VXN: variants seen among roughly 807,000 people sequenced by gnomAD.
VXN encodes the protein vexin.
In VXN, 7 loss-of-function variants were observed where a neutral mutation model predicts 23.1. That is an observed-to-expected ratio of 0.30 (90% confidence interval 0.17 to 0.57). VXN has a LOEUF of 0.57. Ranked by LOEUF, VXN falls within the 20% of genes least tolerant of loss-of-function variation. VXN has a pLI of 0.91. For synonymous variants in VXN, 120 were observed against 105.8 expected, an observed-to-expected ratio of 1.13 and a Z score of -0.83; for missense variants, 238 against 272.6, an observed-to-expected ratio of 0.87 and a Z score of 0.89.
At chr8:66,511,309 T>C (rs190690324) in intron 4 of VXN, among the ~76,000 whole-genome samples, 59 of 152,308 alleles carry the variant, frequency 3.9e-4, no homozygotes, top group Non-Finnish European at 5.0e-4. Flanking sequence ...TCAAGATCCA[T>C]AGGTGGTGCA....
At chr8:66,515,842 T>G (rs764112370) in intron 5 of VXN, 51 bp from the exon 6 acceptor site, 24 of 1,463,488 alleles carry the variant, frequency 1.6e-5, no homozygotes, top group Non-Finnish European at 2.2e-5. Flanking sequence ...AAAAATGAAG[T>G]TTGGCTTGTG....
chr8:66,514,659 A>C (rs574430111), intron 5 of VXN, among the ~76,000 whole-genome samples: 1 of 152,218 alleles, frequency 6.6e-6, no homozygotes, highest in Admixed American at 6.5e-5. Context: ...CAAACTCCTG[A>C]CCTCAAGTGA....
At chr8:66,499,244 G>C (rs1000348101) in intron 2 of VXN, among the ~76,000 whole-genome samples, 2 of 25,774 alleles carry the variant, frequency 7.8e-5, no homozygotes, top group Admixed American at 4.1e-4. Context: ...TTTTTTTTTT[G>C]GCGGAGGGGA....
intron 2 of VXN, among the ~76,000 whole-genome samples, chr8:66,500,735 C>T (rs1807681730): frequency 1.3e-5 from 2 of 152,192 alleles, no homozygotes; most frequent in Non-Finnish European, 1.5e-5. Flanking sequence ...TTTGTGTCTG[C>T]CTGTACCCAA....
intron 4 of VXN, among the ~76,000 whole-genome samples, chr8:66,511,095 T>C (rs1807818916): frequency 6.6e-6 from 1 of 152,156 alleles, no homozygotes; most frequent in Admixed American, 6.5e-5. Flanking sequence ...GCTAAGAGCT[T>C]TCTGCTACCC....
chr8:66,507,823 C>T (rs1807776570), intron 3 of VXN, among the ~76,000 whole-genome samples: 1 of 152,132 alleles, frequency 6.6e-6, no homozygotes, highest in South Asian at 2.1e-4. Flanking sequence ...TGAGTCAAAG[C>T]CAGACCATCC....
chr8:66,498,767 T>A (rs1807655783), intron 2 of VXN: 1 of 451,386 alleles, frequency 2.2e-6, no homozygotes, highest in Non-Finnish European at 4.5e-6. Context: ...CTGCTCAGAA[T>A]AGTGCAAAAT....
At chr8:66,498,691 C>A (rs563837674) in intron 2 of VXN, 1 of 354,836 alleles carries the variant, frequency 2.8e-6, no homozygotes, top group East Asian at 7.4e-5. Flanking sequence ...AGAATGGAGA[C>A]CCTGGACAAA....
chr8:66,515,604 T>G lies in VXN; in HGVS notation c.441-289T>G, dbSNP rs114507186. ...TTCACATAGAGGCTGAAGGGGTAGG[T>G]ATGCAGAGCCTTTGGCAAGACCAGA... On this transcript the variant is annotated intron_variant, in intron 5 of 5. Transcript: ENST00000305454. Among the ~76,000 whole-genome samples, 332 of 152,250 alleles carry G rather than the reference T, an allele frequency of 2.2e-3. 1 individual carries two copies. The highest frequency in any genetic ancestry group is 7.5e-3 in the African/African-American group (313 of 41,540).
At chr8:66,515,433 C>T (rs75103679) in intron 5 of VXN, among the ~76,000 whole-genome samples, 2,712 of 152,278 alleles carry the variant, frequency 0.018, 39 homozygotes, top group South Asian at 0.031. Context: ...GAGATTATCC[C>T]CATTTTGCAC....
intron 4 of VXN, among the ~76,000 whole-genome samples, chr8:66,512,879 C>T (rs756905087): frequency 3.6e-4 from 55 of 152,300 alleles, no homozygotes; most frequent in Non-Finnish European, 7.4e-4. Context: ...AATGGGAGGC[C>T]GAGCTGCGTA....
At chr8:66,502,841 GTTC>G (rs1453450117) in intron 2 of VXN, among the ~76,000 whole-genome samples, 1 of 148,124 alleles carries the variant, frequency 6.8e-6, no homozygotes, top group South Asian at 2.1e-4. Flanking sequence ...GATGTAGGCT[GTTC>G]TTCTTCCTTT....
intron 3 of VXN, among the ~76,000 whole-genome samples, 167 bp from the exon 4 acceptor site, chr8:66,509,929 C>T (rs899018309): frequency 6.6e-6 from 1 of 152,152 alleles, no homozygotes; most frequent in Admixed American, 6.5e-5. Context: ...AGAAGAGTGA[C>T]AGTTGCCTTG....
chr8:66,501,023 C>T (rs1807685827), intron 2 of VXN, among the ~76,000 whole-genome samples: 7 of 151,992 alleles, frequency 4.6e-5, no homozygotes, highest in Admixed American at 4.6e-4. Context: ...CAGGTGCCCG[C>T]CATCAGGCCC....
chr8:66,513,809 G>A (rs962019097), intron 5 of VXN, 172 bp downstream of exon 5: 23 of 569,690 alleles, frequency 4.0e-5, no homozygotes, highest in Non-Finnish European at 6.2e-5. Context: ...TCTCTGCAGC[G>A]CCTCATCAAC....
chr8:66,500,868 A>ATTTTTT (rs1172553891), intron 2 of VXN, among the ~76,000 whole-genome samples: 5 of 114,152 alleles, frequency 4.4e-5, no homozygotes, highest in Non-Finnish European at 8.8e-5. Context: ...AAAGGACATG[A>ATTTTTT]TTTTTTTTTT....
At chr8:66,511,688 C>G (rs540633924) in intron 4 of VXN, among the ~76,000 whole-genome samples, 1 of 152,292 alleles carries the variant, frequency 6.6e-6, no homozygotes, top group African/African-American at 2.4e-5. Context: ...CCTTGGCAGA[C>G]AGGCAGTGAC....
rs1205375286 is a variant in VXN at position 66,505,400 on chromosome 8, C to A, written c.152C>A (p.Thr51Lys). Residue 51 changes from threonine (T) to lysine (K), a missense_variant, in exon 3 of 6, where the codon ACG (threonine) becomes AAG (lysine). Physicochemically the swap from Thr to Lys is moderately conservative, Grantham distance 78. Transcript: ENST00000305454. ...KNVVIESDLY[T>K]HQPLELLPHR... is the part of the protein sequence containing the mutation. ...GTGGTGATCGAGTCGGACCTGTACA[C>A]GCACCAGCCCCTGGAGCTGCTGCCC... The A allele has an allele frequency of 2.5e-6, 4 of 1,579,828 alleles. No homozygotes were observed. The African/African-American group carries it at 5.4e-5, about 21-fold the overall frequency.
intron 2 of VXN, chr8:66,498,690 AC>A: frequency 2.8e-6 from 1 of 354,262 alleles, no homozygotes; most frequent in South Asian, 2.2e-5. Flanking sequence ...CAGAATGGAG[AC>A]CCTGGACAAA....
Sources: gnomAD v4.1 joint callset for allele counts (sites outside exome capture counted in the v4.1 genomes callset) on GRCh38, gnomAD v4.1.1 for gene constraint, MANE v1.5 for transcripts, NCBI Gene and HGNC (gene_info 2026-07-23, HGNC 2026-07-21) for gene names.